The following NRXN3 variants were observed in gnomAD, a reference collection of about 807,000 sequenced individuals.
NRXN3 encodes the protein neurexin 3.
A neutral mutation model predicts 137.6 loss-of-function variants in NRXN3; 32 were observed. That is an observed-to-expected ratio of 0.23 (90% confidence interval 0.18 to 0.31). The LOEUF (loss-of-function observed/expected upper bound fraction) is 0.31. NRXN3 is among the 10% of genes least tolerant of loss of function. NRXN3 has a pLI of 1.00. For missense variants in NRXN3, 1,574 were observed against 2,062.5 expected, an observed-to-expected ratio of 0.76 and a Z score of 4.59; for synonymous variants, 798 against 784.5, an observed-to-expected ratio of 1.02 and a Z score of -0.29.
At chr14:79,571,402 G>A (rs2097599981) in intron 16 of NRXN3, among the ~76,000 whole-genome samples, 1 of 152,176 alleles carries the variant, frequency 6.6e-6, no homozygotes. Context: ...ACACTAGAAA[G>A]TATAGCAAGA....
chr14:78,267,366 GC>G (rs957193148), intron 2 of NRXN3, among the ~76,000 whole-genome samples: 1 of 152,050 alleles, frequency 6.6e-6, no homozygotes, highest in Non-Finnish European at 1.5e-5. Flanking sequence ...GTGTCCATCT[GC>G]CCATGGGCCC....
intron 16 of NRXN3, among the ~76,000 whole-genome samples, chr14:79,629,106 G>T (rs898247841): frequency 6.6e-6 from 1 of 152,278 alleles, no homozygotes; most frequent in Non-Finnish European, 1.5e-5. Flanking sequence ...TAAAGGTGAT[G>T]ATTAATTAGT....
intron 15 of NRXN3, among the ~76,000 whole-genome samples, chr14:79,431,355 G>A: frequency 6.6e-6 from 1 of 152,084 alleles, no homozygotes. Flanking sequence ...TACAATTAGT[G>A]TTTGCTAAAA....
At chr14:78,543,588 G>C (rs745663355) in intron 4 of NRXN3, among the ~76,000 whole-genome samples, 3 of 152,070 alleles carry the variant, frequency 2.0e-5, no homozygotes. Flanking sequence ...AGGTTGGAGA[G>C]AGTTGGCATT....
chr14:78,276,549 C>T (rs968331691), intron 2 of NRXN3, among the ~76,000 whole-genome samples: 1 of 152,178 alleles, frequency 6.6e-6, no homozygotes, highest in Non-Finnish European at 1.5e-5. Flanking sequence ...ATTTAATTCT[C>T]ATAACACCCC....
chr14:78,315,020 AT>A (rs1295312968), intron 4 of NRXN3, among the ~76,000 whole-genome samples: 1 of 65,832 alleles, frequency 1.5e-5, no homozygotes, highest in Non-Finnish European at 3.3e-5. Flanking sequence ...TTTTCTTTTT[AT>A]TTTTTTTTGA....
At chr14:79,361,274 C>T (rs2093671532) in intron 15 of NRXN3, among the ~76,000 whole-genome samples, 1 of 152,152 alleles carries the variant, frequency 6.6e-6, no homozygotes, top group African/African-American at 2.4e-5. Flanking sequence ...AGTAAGCTAT[C>T]CTCAACCCCC....
At chr14:79,430,983 C>G (rs1251769624) in intron 15 of NRXN3, among the ~76,000 whole-genome samples, 4 of 152,280 alleles carry the variant, frequency 2.6e-5, no homozygotes, top group African/African-American at 9.6e-5. Flanking sequence ...TGTGACTCCT[C>G]CCTCATATAT....
chr14:79,805,258 T>C (rs2099199689), intron 20 of NRXN3, 68 bp downstream of exon 20: 1 of 1,103,020 alleles, frequency 9.1e-7, no homozygotes, highest in South Asian at 1.3e-5. Flanking sequence ...CATACATATA[T>C]GTGATTATAC....
intron 15 of NRXN3, among the ~76,000 whole-genome samples, chr14:79,064,382 A>G (rs2099678047): frequency 6.6e-6 from 1 of 152,106 alleles, no homozygotes; most frequent in Non-Finnish European, 1.5e-5. Context: ...TAGGGGTGCA[A>G]TAGTTCTCAC....
intron 1 of NRXN3, among the ~76,000 whole-genome samples, chr14:78,236,737 C>CT (rs1491165389): frequency 9.6e-5 from 14 of 145,466 alleles, no homozygotes; most frequent in South Asian, 2.3e-4. Flanking sequence ...ATTCCCCCCC[C>CT]CCTTTTTTTT....
At chr14:78,215,660 G>A in intron 1 of NRXN3, among the ~76,000 whole-genome samples, 1 of 151,678 alleles carries the variant, frequency 6.6e-6, no homozygotes, top group East Asian at 1.9e-4. Context: ...TGTTGGAACT[G>A]GGGAAATAGA....
intron 4 of NRXN3, among the ~76,000 whole-genome samples, chr14:78,615,906 G>A (rs777570626): frequency 5.9e-5 from 9 of 152,182 alleles, no homozygotes; most frequent in Non-Finnish European, 1.2e-4. Context: ...GCTGAAGTAA[G>A]CTATGATTAA....
chr14:79,558,561 T>C (rs1483024935), intron 16 of NRXN3, among the ~76,000 whole-genome samples: 7 of 147,420 alleles, frequency 4.7e-5, no homozygotes, highest in South Asian at 4.3e-4. Flanking sequence ...CTCTCTCTCT[T>C]TTTTTTTTTT....
intron 4 of NRXN3, among the ~76,000 whole-genome samples, chr14:78,556,594 A>G (rs528986513): frequency 1.3e-3 from 195 of 152,342 alleles, no homozygotes; most frequent in African/African-American, 4.4e-3. Context: ...GATCAGGCTT[A>G]TGGCTAAAAT....
intron 20 of NRXN3, among the ~76,000 whole-genome samples, chr14:79,860,739 T>G (rs2293847): frequency 6.6e-6 from 1 of 152,054 alleles, no homozygotes; most frequent in African/African-American, 2.4e-5. Flanking sequence ...AACAGTATCA[T>G]TGACTGAATG....
intron 6 of NRXN3, among the ~76,000 whole-genome samples, chr14:78,691,166 G>A (rs995599559): frequency 6.6e-6 from 1 of 152,148 alleles, no homozygotes; most frequent in African/African-American, 2.4e-5. Flanking sequence ...TGCATATTAT[G>A]AGAATGGAGG....
At chr14:79,776,274 G>C (rs1235920158) in intron 19 of NRXN3, among the ~76,000 whole-genome samples, 1 of 152,126 alleles carries the variant, frequency 6.6e-6, no homozygotes, top group East Asian at 1.9e-4. Context: ...ATCCTTGACT[G>C]TAGAATTGTT....
chr14:79,410,805 A>G (rs2095406812), intron 15 of NRXN3, among the ~76,000 whole-genome samples: 1 of 152,100 alleles, frequency 6.6e-6, no homozygotes, highest in Non-Finnish European at 1.5e-5. Context: ...AGTCTCAACC[A>G]CTGTCCTAGG....
Sources: allele counts gnomAD v4.1 joint callset (sites outside exome capture counted in the v4.1 genomes callset), GRCh38; gene constraint gnomAD v4.1.1; transcripts MANE v1.5; gene names NCBI Gene and HGNC (gene_info 2026-07-23, HGNC 2026-07-21).